HDAC9: variants seen among roughly 807,000 people sequenced by gnomAD.
HDAC9 encodes histone deacetylase 9.
HDAC9 carries 41 observed loss-of-function variants against 139.4 expected under a neutral mutation model. That is an observed-to-expected ratio of 0.29 (90% CI 0.23 to 0.38). The LOEUF is 0.38. Ranked by LOEUF, HDAC9 falls within the 10% of genes least tolerant of loss-of-function variation. HDAC9 has a pLI of 1.00. For synonymous variants in HDAC9, 517 were observed against 476.2 expected (o/e 1.09, Z -1.12); for missense variants, 1,147 against 1,297.0 (o/e 0.88, Z 1.78).
At chr7:18,168,980 C>A (rs910756331) in intron 2 of HDAC9, among the ~76,000 whole-genome samples, 1 of 148,124 alleles carries the variant, frequency 6.8e-6, no homozygotes, top group East Asian at 2.0e-4. Flanking sequence ...TCTTGTTGCC[C>A]AGGCTGGAGT....
chr7:18,881,559 C>T (rs137968091), intron 22 of HDAC9, among the ~76,000 whole-genome samples: 77 of 152,110 alleles, frequency 5.1e-4, no homozygotes, highest in African/African-American at 1.8e-3. Context: ...TGACTTTTTA[C>T]TAATGACTCT....
chr7:18,833,480 C>T (rs1303183305), intron 19 of HDAC9, among the ~76,000 whole-genome samples: 1 of 151,992 alleles, frequency 6.6e-6, no homozygotes, highest in Non-Finnish European at 1.5e-5. Context: ...TACAAATATC[C>T]CCTTAATGTT....
intron 6 of HDAC9, among the ~76,000 whole-genome samples, chr7:18,618,910 A>G (rs1339786303): frequency 2.0e-5 from 3 of 151,744 alleles, no homozygotes; most frequent in South Asian, 2.1e-4. Context: ...TGAAATACCA[A>G]TTCAGAAGTA....
At chr7:18,615,599 T>C (rs1245073266) in intron 6 of HDAC9, among the ~76,000 whole-genome samples, 1 of 152,182 alleles carries the variant, frequency 6.6e-6, no homozygotes, top group Non-Finnish European at 1.5e-5. Context: ...ACCTTTACCG[T>C]AGAAAATTAA....
chr7:18,223,395 T>TC (rs1273596436), intron 2 of HDAC9, among the ~76,000 whole-genome samples: 1 of 151,838 alleles, frequency 6.6e-6, no homozygotes. Flanking sequence ...CGGTCAATTT[T>TC]TTTTTTTTTT....
intron 11 of HDAC9, among the ~76,000 whole-genome samples, chr7:18,650,572 G>A (rs774425697): frequency 2.0e-5 from 3 of 152,106 alleles, no homozygotes; most frequent in Non-Finnish European, 2.9e-5. Context: ...TTTGACAGGC[G>A]AATGCTAACC....
intron 14 of HDAC9, among the ~76,000 whole-genome samples, chr7:18,754,803 C>T (rs1788740161): frequency 6.6e-6 from 1 of 152,058 alleles, no homozygotes; most frequent in African/African-American, 2.4e-5. Flanking sequence ...GGGATTCCAG[C>T]ATATCTTCTT....
intron 16 of HDAC9, among the ~76,000 whole-genome samples, chr7:18,784,972 TGTC>T (rs746200235): frequency 0.09 from 1,858 of 20,616 alleles, 17 homozygotes; most frequent in South Asian, 0.26. Context: ...TGTGTGTGTG[TGTC>T]TGTGTGTGCA....
Position 18,822,504 on chromosome 7 carries a change from G to A in HDAC9, c.2323-6657G>A, listed in dbSNP as rs139686508. On this transcript the variant is annotated intron_variant, in intron 17 of 25. Transcript: ENST00000686413. The stretch of plus-strand genomic sequence containing the variant: ...CGACTAGTTGGGATTACAGGTTCCC[G>A]CCAGCACACCTGGCTCATTTTTGTG... Among the ~76,000 whole-genome samples, 31 of 152,246 alleles carry A rather than the reference G, an allele frequency of 2.0e-4. No individual in the cohort carries two copies. In the East Asian group the frequency reaches 5.6e-3, roughly 28 times the overall value.
At chr7:18,329,504 A>C (rs1800740705) in intron 1 of HDAC9, among the ~76,000 whole-genome samples, 1 of 151,682 alleles carries the variant, frequency 6.6e-6, no homozygotes, top group South Asian at 2.1e-4. Flanking sequence ...TGTCGGCTTA[A>C]GAGTGAATGG....
At chr7:18,200,290 T>G (rs976908347) in intron 2 of HDAC9, among the ~76,000 whole-genome samples, 3 of 152,216 alleles carry the variant, frequency 2.0e-5, no homozygotes, top group Non-Finnish European at 4.4e-5. Flanking sequence ...AAACACTGAT[T>G]GTGAATGATA....
At chr7:18,393,984 A>G (rs1289713809) in intron 1 of HDAC9, among the ~76,000 whole-genome samples, 1 of 152,178 alleles carries the variant, frequency 6.6e-6, no homozygotes, top group East Asian at 1.9e-4. Flanking sequence ...TATCCCTTGG[A>G]CAATAGAAGG....
At chr7:18,782,062 C>T (rs2588623) in intron 16 of HDAC9, among the ~76,000 whole-genome samples, 115,421 of 152,008 alleles carry the variant, frequency 0.76, 44,634 homozygotes, top group Non-Finnish European at 0.83. Flanking sequence ...AATAGGTTTC[C>T]AGGGGCATCT....
rs143579181 is a variant in HDAC9 at position 18,770,023 on chromosome 7, C to T, written c.2214+2868C>T. Among the ~76,000 whole-genome samples, 36 of 152,156 alleles carry T rather than the reference C, an allele frequency of 2.4e-4. No homozygotes were observed. In the East Asian group the frequency reaches 6.4e-3, roughly 27 times the overall value. On this transcript the variant is annotated intron_variant, in intron 16 of 25. Transcript: ENST00000686413. ...GGGTTTGATATATACCTACAGAATA[C>T]GGATGGGTTAATTGGCTTTTGAGGA...
chr7:18,278,458 A>T (rs987939620), intron 2 of HDAC9, among the ~76,000 whole-genome samples: 1 of 152,202 alleles, frequency 6.6e-6, no homozygotes, highest in Admixed American at 6.5e-5. Flanking sequence ...AGAGAGCAAC[A>T]AAGTTCTGTA....
chr7:18,250,118 A>G (rs917214961), intron 2 of HDAC9, among the ~76,000 whole-genome samples: 1 of 152,222 alleles, frequency 6.6e-6, no homozygotes, highest in Non-Finnish European at 1.5e-5. Flanking sequence ...CCTTATTTAG[A>G]TATGATACTC....
intron 2 of HDAC9, among the ~76,000 whole-genome samples, chr7:18,505,494 T>G (rs1374672177): frequency 6.6e-6 from 1 of 152,204 alleles, no homozygotes; most frequent in Non-Finnish European, 1.5e-5. Context: ...TTATTTTGAA[T>G]ATATATCTGT....
chr7:18,211,862 T>G (rs1479664329), intron 2 of HDAC9, among the ~76,000 whole-genome samples: 1 of 152,114 alleles, frequency 6.6e-6, no homozygotes, highest in Non-Finnish European at 1.5e-5. Context: ...AGGAGGAGAC[T>G]TAAGAGGGCG....
chr7:18,190,125 G>A (rs151209081), intron 2 of HDAC9, among the ~76,000 whole-genome samples: 1,998 of 152,152 alleles, frequency 0.013, 48 homozygotes, highest in African/African-American at 0.046. Context: ...TGTATTTTTA[G>A]TAGAGATGGG....
Sources: allele counts gnomAD v4.1 joint callset (sites outside exome capture counted in the v4.1 genomes callset), GRCh38; gene constraint gnomAD v4.1.1; transcripts MANE v1.5; gene names NCBI Gene and HGNC (gene_info 2026-07-23, HGNC 2026-07-21).